Variants in ADAM28 observed in about 807,000 individuals in gnomAD.
ADAM28 encodes the protein ADAM metallopeptidase domain 28, also known as disintegrin and metalloproteinase domain-containing protein 28.
Under a neutral mutation model 101.2 loss-of-function variants are expected in ADAM28, and 105 were observed. That is an observed-to-expected ratio of 1.04 (90% CI 0.89 to 1.22). The LOEUF is 1.22. ADAM28 is among the 50% of genes most tolerant of loss of function. The pLI is 0.00. For missense variants in ADAM28, 1,028 were observed against 945.4 expected, an observed-to-expected ratio of 1.09 and a Z score of -1.15; for synonymous variants, 322 against 310.6, an observed-to-expected ratio of 1.04 and a Z score of -0.39.
At chr8:24,325,891 A>ACAAAAAAAC (rs1288887264) in intron 9 of ADAM28, among the ~76,000 whole-genome samples, 1 of 144,212 alleles carries the variant, frequency 6.9e-6, no homozygotes, top group Admixed American at 6.9e-5. Flanking sequence ...AAAAAAAAAA[A>ACAAAAAAAC]AAAAAAAAAC....
chr8:24,300,184 T>A, intron 2 of ADAM28, 107 bp downstream of exon 2: 7 of 914,112 alleles, frequency 7.7e-6, no homozygotes, highest in Non-Finnish European at 1.1e-5. Context: ...ACATGTATGT[T>A]TATATATGTG....
intron 10 of ADAM28, among the ~76,000 whole-genome samples, chr8:24,329,637 T>C (rs146133407): frequency 3.3e-5 from 5 of 152,234 alleles, no homozygotes; most frequent in South Asian, 2.1e-4. Flanking sequence ...AAATGCATCA[T>C]AGACTTCTAA....
At chr8:24,307,342 A>G (rs1245508072) in intron 2 of ADAM28, among the ~76,000 whole-genome samples, 2 of 152,142 alleles carry the variant, frequency 1.3e-5, no homozygotes, top group African/African-American at 4.8e-5. Context: ...TTATTATACA[A>G]CCAGAGAACT....
chr8:24,318,728 C>T (rs1396458893), intron 6 of ADAM28, among the ~76,000 whole-genome samples: 2 of 152,052 alleles, frequency 1.3e-5, no homozygotes, highest in East Asian at 3.9e-4. Context: ...TCTTTTTCTT[C>T]ATCCCGCCTT....
In ADAM28 at chr8:24,356,943, C is replaced by A. The variant is rs988115850; in HGVS notation, c.*2539C>A. Reference sequence around the variant, plus strand: ...AAAGAAAGCAAATTTTAGTTGGTTGCAGTCAGAGAATATGGAAAGGGTTAT... The same window carrying A: ...AAAGAAAGCAAATTTTAGTTGGTTGAAGTCAGAGAATATGGAAAGGGTTAT... On this transcript the variant is annotated 3_prime_UTR_variant, in exon 23 of 23. Transcript: ENST00000265769. The A allele has an allele frequency of 6.6e-6, 1 of 152,066 alleles. No individual in the cohort carries two copies. The highest frequency in any genetic ancestry group is 2.4e-5 in the African/African-American group (1 of 41,420). The allele number at this position is 152,066 out of a possible 1,614,324, so 9.4% of individuals were successfully genotyped here.
At chr8:24,325,067 A>G (rs1331392946) in intron 9 of ADAM28, 1 of 151,956 alleles carries the variant, frequency 6.6e-6, no homozygotes, top group Non-Finnish European at 1.5e-5. Flanking sequence ...GAAGCAGCCG[A>G]CACAATTTCT....
intron 8 of ADAM28, among the ~76,000 whole-genome samples, chr8:24,321,621 A>C (rs539941607): frequency 1.3e-5 from 2 of 152,152 alleles, no homozygotes; most frequent in East Asian, 3.9e-4. Flanking sequence ...GGGGAAAAAA[A>C]TAATTTTAAA....
intron 16 of ADAM28, 50 bp downstream of exon 16, chr8:24,341,807 G>A: frequency 6.2e-7 from 1 of 1,609,916 alleles, no homozygotes; most frequent in Non-Finnish European, 8.5e-7. Context: ...TTACTTTGGT[G>A]TGCTTTGTTG....
At chr8:24,316,762 TGAA>T (rs1811214364) in intron 6 of ADAM28, among the ~76,000 whole-genome samples, 1 of 151,916 alleles carries the variant, frequency 6.6e-6, no homozygotes, top group Non-Finnish European at 1.5e-5. Context: ...AACTTGGAAA[TGAA>T]GAAGTAAAAT....
In ADAM28 at chr8:24,343,127, T is replaced by C; in HGVS notation, c.1857T>C (p.Asp619=). The C allele has an allele frequency of 2.5e-6, 4 of 1,613,840 alleles. No homozygotes were observed. Among genetic ancestry groups the C allele is most frequent in the African/African-American group, 1.3e-5 (1 of 75,022 alleles). The part of the protein sequence containing the change: ...NKVCINAECV[D]IEKAYKSTNC... Reference sequence around the variant, plus strand: ...TTTGCATTAATGCAGAATGTGTGGATATTGAGAAAGCCTACAAATCAACCA... The same window carrying C: ...TTTGCATTAATGCAGAATGTGTGGACATTGAGAAAGCCTACAAATCAACCA... The change falls in exon 17 of 23, where the codon GAT becomes GAC. Residue 619 remains aspartate, a synonymous_variant. Transcript: ENST00000265769.
intron 15 of ADAM28, chr8:24,341,204 A>G (rs1814719647): frequency 6.3e-6 from 1 of 157,646 alleles, no homozygotes; most frequent in Admixed American, 6.5e-5. Context: ...TTTCATTTCC[A>G]TGTGTTTCTC....
chr8:24,321,182 A>C, intron 7 of ADAM28, 36 bp from the exon 8 acceptor site: 1 of 1,340,040 alleles, frequency 7.5e-7, no homozygotes, highest in Non-Finnish European at 1.1e-6. Flanking sequence ...ATTCATTTTT[A>C]TCAATGCCCA....
chr8:24,311,846 C>G (rs1810500240), intron 5 of ADAM28, among the ~76,000 whole-genome samples: 1 of 152,100 alleles, frequency 6.6e-6, no homozygotes, highest in African/African-American at 2.4e-5. Flanking sequence ...TCAAGTGATT[C>G]TCCTACCTCA....
In ADAM28 at chr8:24,355,198, T is replaced by G. The variant is rs1728977643; in HGVS notation, c.*794T>G. 6.6e-6 allele frequency: 1 copy of G among 152,540 alleles called. No homozygotes were observed. The highest frequency in any genetic ancestry group is 2.1e-4 in the South Asian group (1 of 4,834). 9.4% of individuals were successfully genotyped at this position (152,540 alleles called of 1,614,324 possible). On this transcript the variant is annotated 3_prime_UTR_variant, in exon 23 of 23. Transcript: ENST00000265769. ...GAGAGATCTTGCATAAACAATAGATTCCCAGCTTTGTCAGATGTAATCTAA... is the reference window on the plus strand; with the variant it reads ...GAGAGATCTTGCATAAACAATAGATGCCCAGCTTTGTCAGATGTAATCTAA...
intron 9 of ADAM28, among the ~76,000 whole-genome samples, chr8:24,324,701 T>C (rs1490353001): frequency 1.3e-5 from 2 of 151,968 alleles, no homozygotes; most frequent in Non-Finnish European, 2.9e-5. Context: ...GAAATAAGGC[T>C]TCTTCACTTA....
At chr8:24,321,433 A>G in intron 8 of ADAM28, 144 bp downstream of exon 8, 1 of 724,576 alleles carries the variant, frequency 1.4e-6, no homozygotes, top group Non-Finnish European at 2.6e-6. Context: ...GGATGACCAC[A>G]ACTTTTGCTA....
chr8:24,326,603 A>C lies in ADAM28; in HGVS notation c.940A>C (p.Met314Leu). 6.2e-7 allele frequency: 1 copy of C among 1,612,192 alleles called. No individual in the cohort carries two copies. The highest frequency in any genetic ancestry group is 8.5e-7 in the Non-Finnish European group (1 of 1,178,750). Residue 314 changes from methionine (M) to leucine (L), a missense_variant, in exon 10 of 23, where the codon ATG becomes CTG. Physicochemically the swap from Met to Leu is conservative, Grantham distance 15. Coordinates refer to ENST00000265769, the MANE Select transcript of ADAM28 (RefSeq NM_014265.6). ...TTVGLAFMST[M>L]CSPYSVGVVQ... ...TGTGGGTCTTGCATTTATGTCTACA[A>C]TGTGTTCTCCTTATTCTGTTGGCGT...
chr8:24,328,566 T>G (rs368278564), intron 10 of ADAM28, among the ~76,000 whole-genome samples: 28 of 152,210 alleles, frequency 1.8e-4, no homozygotes, highest in African/African-American at 6.5e-4. Flanking sequence ...GGTAGCTTAA[T>G]GCTACTTTAC....
chr8:24,357,012 A>G lies in ADAM28; in HGVS notation c.*2608A>G, dbSNP rs1816730082. Reference sequence around the variant, plus strand: ...ATTATTCACATTGGAAATCACTGCTATGTGTTAAGGAATTGAAGGTGGCCT... The same window carrying G: ...ATTATTCACATTGGAAATCACTGCTGTGTGTTAAGGAATTGAAGGTGGCCT... On this transcript the variant is annotated 3_prime_UTR_variant, in exon 23 of 23. Coordinates refer to ENST00000265769, the MANE Select transcript of ADAM28 (RefSeq NM_014265.6). 1 of 152,180 alleles carries G rather than the reference A, an allele frequency of 6.6e-6. No individual in the cohort carries two copies. The highest frequency in any genetic ancestry group is 1.5e-5 in the Non-Finnish European group (1 of 68,030). 9.4% of individuals were successfully genotyped at this position (152,180 alleles called of 1,614,324 possible).
Sources: gnomAD v4.1 joint callset for allele counts (sites outside exome capture counted in the v4.1 genomes callset) on GRCh38, gnomAD v4.1.1 for gene constraint, MANE v1.5 for transcripts, NCBI Gene and HGNC (gene_info 2026-07-23, HGNC 2026-07-21) for gene names.